Variants in LSM12 observed in about 807,000 individuals in gnomAD.
LSM12 encodes the protein protein LSM12.
For missense variants in LSM12, 108 were observed against 238.9 expected, an observed-to-expected ratio of 0.45 and a Z score of 3.61; for synonymous variants, 74 against 87.3, an observed-to-expected ratio of 0.85 and a Z score of 0.85.
intron 2 of LSM12, among the ~76,000 whole-genome samples, chr17:44,056,037 G>A (rs111852204): frequency 2.0e-5 from 3 of 151,766 alleles, no homozygotes; most frequent in African/African-American, 7.3e-5. Context: ...GGAAGCCGAG[G>A]TGGGTGGATC....
At chr17:44,066,384 G>A in intron 1 of LSM12, 80 bp downstream of exon 1, 1 of 1,482,500 alleles carries the variant, frequency 6.7e-7, no homozygotes, top group Non-Finnish European at 9.0e-7. Flanking sequence ...GAGAGCCCCA[G>A]CCGCCGCCGT....
intron 2 of LSM12, among the ~76,000 whole-genome samples, chr17:44,056,933 G>A (rs2049722545): frequency 6.6e-6 from 1 of 152,004 alleles, no homozygotes; most frequent in Non-Finnish European, 1.5e-5. Flanking sequence ...AGAGGTTGTG[G>A]TAAGCTGTAA....
intron 2 of LSM12, among the ~76,000 whole-genome samples, chr17:44,044,935 C>T (rs1382460865): frequency 6.6e-6 from 1 of 152,202 alleles, no homozygotes; most frequent in East Asian, 1.9e-4. Flanking sequence ...TTTTGCCAAA[C>T]CACTGGAGAG....
chr17:44,041,283 AAAAACAAACACAC>A (rs1346075621), intron 2 of LSM12, among the ~76,000 whole-genome samples: 2 of 121,730 alleles, frequency 1.6e-5, no homozygotes, highest in Non-Finnish European at 1.7e-5. Context: ...TAAAAAAAAA[AAAAACAAACACAC>A]ACACACACAC....
chr17:44,066,346 GCGGTAGC>G (rs1419582436), intron 1 of LSM12, 111 bp downstream of exon 1: 1 of 1,327,856 alleles, frequency 7.5e-7, no homozygotes, highest in African/African-American at 1.6e-5. Context: ...CCCGGGCGCC[GCGGTAGC>G]CGGTCGCCCC....
intron 2 of LSM12, among the ~76,000 whole-genome samples, chr17:44,053,862 G>T (rs770636736): frequency 6.6e-6 from 1 of 151,970 alleles, no homozygotes; most frequent in Non-Finnish European, 1.5e-5. Flanking sequence ...CACTTGTTTG[G>T]TTCCCCTATC....
chr17:44,049,577 A>G (rs145038576), intron 2 of LSM12, among the ~76,000 whole-genome samples: 387 of 152,180 alleles, frequency 2.5e-3, no homozygotes, highest in Non-Finnish European at 3.1e-3. Context: ...TGCGTCCCAC[A>G]AGTGAGTGAT....
At chr17:44,037,143 C>T in intron 4 of LSM12, 1 of 310,578 alleles carries the variant, frequency 3.2e-6, no homozygotes, top group African/African-American at 2.1e-5. Flanking sequence ...AGAAACTGCT[C>T]AGGCCCAATA....
intron 2 of LSM12, among the ~76,000 whole-genome samples, chr17:44,054,313 TTTG>T (rs1025278485): frequency 1.3e-5 from 2 of 152,122 alleles, no homozygotes; most frequent in Non-Finnish European, 2.9e-5. Context: ...GCCAATGGGT[TTTG>T]TTGTTGTTGT....
At chr17:44,065,011 C>A (rs1166334403) in intron 1 of LSM12, among the ~76,000 whole-genome samples, 1 of 150,530 alleles carries the variant, frequency 6.6e-6, no homozygotes, top group East Asian at 2.0e-4. Context: ...CGTATGCCTG[C>A]AATCCCAGCT....
intron 2 of LSM12, among the ~76,000 whole-genome samples, chr17:44,051,951 T>C (rs916306023): frequency 2.6e-5 from 4 of 151,360 alleles, no homozygotes; most frequent in Non-Finnish European, 5.9e-5. Context: ...CTACTAAAAA[T>C]ACAAACATCC....
chr17:44,045,691 T>G (rs1329328902), intron 2 of LSM12, among the ~76,000 whole-genome samples: 1 of 152,000 alleles, frequency 6.6e-6, no homozygotes, highest in African/African-American at 2.4e-5. Flanking sequence ...CCACTTCAGC[T>G]TCCCAAGTAG....
At chr17:44,043,809 A>C (rs2144078594) in intron 2 of LSM12, among the ~76,000 whole-genome samples, 1 of 151,018 alleles carries the variant, frequency 6.6e-6, no homozygotes, top group African/African-American at 2.4e-5. Flanking sequence ...CCTCTATTAA[A>C]AAAAAAAAAA....
At chr17:44,065,143 A>C (rs2049854733) in intron 1 of LSM12, among the ~76,000 whole-genome samples, 1 of 146,054 alleles carries the variant, frequency 6.8e-6, no homozygotes, top group Non-Finnish European at 1.5e-5. Context: ...CAAAAAACAC[A>C]ACAAAAAAAA....
rs199904232 is a variant in LSM12 at position 44,037,538 on chromosome 17, G to A, written c.369C>T (p.Thr123=). 111 of 1,605,792 alleles carry A rather than the reference G, an allele frequency of 6.9e-5. No individual in the cohort carries two copies. Among genetic ancestry groups the A allele is most frequent in the Admixed American group, 6.8e-5 (4 of 58,410 alleles). ...GQQLFQTIHK[T]IKDCKWQEKN... is the part of the protein sequence containing the mutation. ...TTTCTTGCCATTTACAGTCTTTAATGCTGGAAGGAGAAGACAGCAGGCGAA... is the reference window on the plus strand; with the variant it reads ...TTTCTTGCCATTTACAGTCTTTAATACTGGAAGGAGAAGACAGCAGGCGAA... Residue 123 remains threonine (T), a splice_region_variant and synonymous_variant, in exon 4 of 5, where the codon ACC becomes ACT. Transcript: ENST00000293406.
intron 2 of LSM12, among the ~76,000 whole-genome samples, chr17:44,041,825 G>GT (rs1402753509): frequency 6.6e-6 from 1 of 152,140 alleles, no homozygotes; most frequent in African/African-American, 2.4e-5. Flanking sequence ...GCTAGACAAG[G>GT]TAGTTAAAAC....
rs2049883708 is a variant in LSM12, at chr17:44,066,634, G to A, written c.-47C>T. 3.8e-6 allele frequency: 5 copies of A among 1,305,784 alleles called. No individual in the cohort carries two copies. Among genetic ancestry groups the A allele is most frequent in the Middle Eastern group, 3.0e-4 (1 of 3,376 alleles). 80.9% of individuals were successfully genotyped at this position (1,305,784 alleles called of 1,614,324 possible). On this transcript the variant is annotated 5_prime_UTR_variant, in exon 1 of 5. Coordinates refer to ENST00000293406, the MANE Select transcript of LSM12 (RefSeq NM_001371445.1). Reference sequence around the variant, plus strand: ...GGCGGCGGCGGCGGCAGCAGCGGGCGAAAGCCGGGCCCCCAGTGAGCGCCG... The same window carrying A: ...GGCGGCGGCGGCGGCAGCAGCGGGCAAAAGCCGGGCCCCCAGTGAGCGCCG...
chr17:44,058,215 C>T lies in LSM12; in HGVS notation c.258+5586G>A, dbSNP rs1443999395. On this transcript the variant is annotated intron_variant, in intron 2 of 4. Transcript: ENST00000293406. ...TCGCGCCACTGCACTCCAGCCTGGG[C>T]GACTGAGCAAGACTCCGTCTCAAAA... Among the ~76,000 whole-genome samples, 4 of 150,868 alleles carry T rather than the reference C, an allele frequency of 2.7e-5. No homozygotes were observed. In the East Asian group the frequency reaches 7.8e-4, roughly 30 times the overall value.
intron 2 of LSM12, among the ~76,000 whole-genome samples, chr17:44,046,211 A>G (rs539069051): frequency 6.6e-6 from 1 of 151,872 alleles, no homozygotes; most frequent in Non-Finnish European, 1.5e-5. Flanking sequence ...CTGGGATTAC[A>G]GGTGTGAGTC....
Sources: allele counts gnomAD v4.1 joint callset (sites outside exome capture counted in the v4.1 genomes callset), GRCh38; gene constraint gnomAD v4.1.1; transcripts MANE v1.5; gene names NCBI Gene and HGNC (gene_info 2026-07-23, HGNC 2026-07-21).